Variants in PCNX2 observed in about 807,000 individuals in gnomAD.
PCNX2 encodes pecanex-like protein 2.
Under a neutral mutation model 223.8 loss-of-function variants are expected in PCNX2, and 168 were observed. The observed-to-expected ratio is 0.75, with a 90% CI of 0.66 to 0.85. The LOEUF (loss-of-function observed/expected upper bound fraction) is 0.85. PCNX2 is among the 40% of genes least tolerant of loss of function. The pLI is 0.00. For synonymous variants in PCNX2, 1,006 were observed against 1,052.6 expected, an observed-to-expected ratio of 0.96 and a Z score of 0.86; for missense variants, 2,507 against 2,675.5, an observed-to-expected ratio of 0.94 and a Z score of 1.39.
At chr1:232,993,626 G>A (rs35889234) in intron 32 of PCNX2, among the ~76,000 whole-genome samples, 3,067 of 152,364 alleles carry the variant, frequency 0.02, 58 homozygotes, top group Non-Finnish European at 0.03. Context: ...AAGTAACAAG[G>A]AGCAGAATGT....
At position 233,000,685 on chromosome 1, in the gene PCNX2, G is replaced by A. The variant is rs920138817; in HGVS notation, c.5098-150C>T. The A allele has an allele frequency of 2.8e-5, 18 of 652,976 alleles. No homozygotes were observed. Among genetic ancestry groups the A allele is most frequent in the Middle Eastern group, 4.2e-4 (1 of 2,406 alleles). The allele number at this position is 652,976 out of a possible 1,614,324, so 40.4% of individuals were successfully genotyped here. On this transcript the variant is annotated intron_variant, in intron 29 of 33. Coordinates refer to ENST00000258229, the MANE Select transcript of PCNX2 (RefSeq NM_014801.4). This position sits in a 1 kb window ranked among gnomAD's most constrained non-coding sequence, Gnocchi z 4.6. The stretch of plus-strand genomic sequence containing the variant: ...TGTTCTTTTTCCAAATCCTGAGCTC[G>A]GCACAGAGGACACCTCTTTATCTCA...
the PCNX2 span, among the ~76,000 whole-genome samples, chr1:233,316,279 C>T: frequency 6.6e-6 from 1 of 152,102 alleles, no homozygotes; most frequent in African/African-American, 2.4e-5. Context: ...TAACCTAACA[C>T]AGGCTGAATT....
the PCNX2 span, among the ~76,000 whole-genome samples, chr1:233,313,275 C>G: frequency 2.0e-5 from 3 of 152,114 alleles, no homozygotes; most frequent in Non-Finnish European, 4.4e-5. Context: ...AGTTTGTATT[C>G]AGTATGAATA....
intron 8 of PCNX2, among the ~76,000 whole-genome samples, chr1:233,241,694 T>C (rs1346074529): frequency 6.6e-6 from 1 of 152,200 alleles, no homozygotes; most frequent in Admixed American, 6.5e-5. Flanking sequence ...GACGCAGCTA[T>C]ATGCATCTCT....
At chr1:233,143,731 T>C (rs1357112205) in intron 19 of PCNX2, among the ~76,000 whole-genome samples, 1 of 152,228 alleles carries the variant, frequency 6.6e-6, no homozygotes, top group Non-Finnish European at 1.5e-5. Context: ...GTCTATCCCT[T>C]CTTTTCTGTC....
At chr1:233,033,007 A>T (rs1671324068) in intron 25 of PCNX2, 1 of 985,460 alleles carries the variant, frequency 1.0e-6, no homozygotes, top group Non-Finnish European at 1.2e-6. Context: ...CCATATTCTC[A>T]GGAAGACTCA....
At chr1:232,984,775 T>G (rs1454206235) in intron 33 of PCNX2, 3 of 307,320 alleles carry the variant, frequency 9.8e-6, no homozygotes, top group Non-Finnish European at 1.8e-5. Context: ...GCTTTCTAGC[T>G]GTAGTCAGTG....
chr1:233,267,140 G>A (rs1660381369), intron 1 of PCNX2, among the ~76,000 whole-genome samples: 1 of 152,046 alleles, frequency 6.6e-6, no homozygotes. Context: ...CCAACGTGAT[G>A]AAACCCAGTC....
At chr1:233,322,556 C>T in the PCNX2 span, among the ~76,000 whole-genome samples, 37,102 of 151,832 alleles carry the variant, frequency 0.24, 4,612 homozygotes, top group South Asian at 0.35. Flanking sequence ...TGGAGGGTTA[C>T]AGACACTTGG....
chr1:233,141,315 T>C (rs1677096909), intron 19 of PCNX2, among the ~76,000 whole-genome samples: 1 of 152,254 alleles, frequency 6.6e-6, no homozygotes, highest in African/African-American at 2.4e-5. Flanking sequence ...CTCATATTTC[T>C]ATATAAGAAT....
intron 14 of PCNX2, 97 bp downstream of exon 14, chr1:233,200,057 A>G (rs887764552): frequency 2.7e-5 from 27 of 1,004,576 alleles, no homozygotes; most frequent in Non-Finnish European, 3.7e-5. Flanking sequence ...CAGGACAAAG[A>G]AAACCTAACT....
chr1:233,307,674 T>C, the PCNX2 span, among the ~76,000 whole-genome samples: 1 of 152,230 alleles, frequency 6.6e-6, no homozygotes, highest in Non-Finnish European at 1.5e-5. Context: ...TCTGGTACTA[T>C]TATTAGCATT....
chr1:233,069,465 A>G (rs1672755048), intron 23 of PCNX2, among the ~76,000 whole-genome samples: 1 of 152,152 alleles, frequency 6.6e-6, no homozygotes, highest in Admixed American at 6.5e-5. Context: ...CTGGGACATA[A>G]AATGATCTCC....
At chr1:233,142,513 A>C (rs114282576) in intron 19 of PCNX2, among the ~76,000 whole-genome samples, 4,406 of 152,226 alleles carry the variant, frequency 0.029, 207 homozygotes, top group African/African-American at 0.099. Context: ...TTCCCAAGGC[A>C]AGTGGCAAGA....
intron 31 of PCNX2, 35 bp from the exon 32 acceptor site, chr1:232,998,473 C>G: frequency 1.3e-6 from 2 of 1,597,382 alleles, no homozygotes; most frequent in Non-Finnish European, 1.7e-6. Context: ...GGATTCTCAG[C>G]AACACACTTC....
At chr1:233,074,296 T>C (rs190611886) in intron 23 of PCNX2, among the ~76,000 whole-genome samples, 5 of 152,280 alleles carry the variant, frequency 3.3e-5, no homozygotes, top group African/African-American at 1.2e-4. Context: ...TTGCAAAACA[T>C]TTTGTTAAGA....
Position 233,295,242 on chromosome 1 carries a change from T to A in PCNX2, c.153+84A>T, listed in dbSNP as rs1023877863. ...GAATCTCTACGAACCCGAAAGCCCG[T>A]GAGGCTGATGGCACGTCTGTGGTTC... On this transcript the variant is annotated intron_variant, in intron 1 of 33. Transcript: ENST00000258229. This position sits in a 1 kb window ranked among gnomAD's most constrained non-coding sequence, Gnocchi z 4.1. 9 of 1,532,262 alleles carry A rather than the reference T, an allele frequency of 5.9e-6. No individual in the cohort carries two copies. The African/African-American group carries it at 1.1e-4, about 19-fold the overall frequency. The allele number at this position is 1,532,262 out of a possible 1,614,324, so 94.9% of individuals were successfully genotyped here. A position where few individuals can be genotyped will look rare whatever the true frequency, so the allele number is the denominator to read the frequency against.
chr1:232,994,213 A>G (rs1669799195), intron 32 of PCNX2, among the ~76,000 whole-genome samples: 1 of 152,230 alleles, frequency 6.6e-6, no homozygotes, highest in South Asian at 2.1e-4. Context: ...GCCCATGAAA[A>G]CAGCTGCAGG....
At position 233,177,788 on chromosome 1, in the gene PCNX2, C is replaced by A; in HGVS notation, c.3273+14G>T. 1 of 1,602,078 alleles carries A rather than the reference C, an allele frequency of 6.2e-7. No homozygotes were observed. Among genetic ancestry groups the A allele is most frequent in the Non-Finnish European group, 8.6e-7 (1 of 1,169,240 alleles). On this transcript the variant is annotated intron_variant, in intron 17 of 33. Transcript: ENST00000258229. ...GGCCCTCCTATGCTACATTACACAA[C>A]GCAAATGTCTCACCACTGAATCTTT... is the stretch of plus-strand genomic sequence containing the variant.
Sources: allele counts gnomAD v4.1 joint callset (sites outside exome capture counted in the v4.1 genomes callset), GRCh38; gene constraint gnomAD v4.1.1; non-coding constraint Gnocchi (gnomAD v3.1); transcripts MANE v1.5; gene names NCBI Gene and HGNC (gene_info 2026-07-23, HGNC 2026-07-21).